Variants in NLGN3 observed in about 807,000 individuals in gnomAD.
NLGN3 encodes neuroligin-3.
A neutral mutation model predicts 42.9 loss-of-function variants in NLGN3; 11 were observed. That is an observed-to-expected ratio of 0.26 (90% confidence interval 0.16 to 0.42). NLGN3 has a LOEUF of 0.42. Ranked by LOEUF, NLGN3 falls within the 10% of genes least tolerant of loss-of-function variation. The probability of loss-of-function intolerance (pLI) is 1.00; values close to 1 mark genes in which losing one functional copy is unlikely to be tolerated. For synonymous variants in NLGN3, 279 were observed against 312.7 expected, an observed-to-expected ratio of 0.89 and a Z score of 1.14; for missense variants, 374 against 733.8, an observed-to-expected ratio of 0.51 and a Z score of 5.67.
In NLGN3 at chrX:71,169,400, G is replaced by A; in HGVS notation, c.1850G>A (p.Arg617Gln). 3 of 1,206,174 alleles carry A rather than the reference G, an allele frequency of 2.5e-6. No individual in the cohort carries two copies. Among genetic ancestry groups the A allele is most frequent in the South Asian group, 1.8e-5 (1 of 56,174 alleles). Residue 617 changes from arginine to glutamine, a missense_variant, in exon 8 of 8, where the codon CGG becomes CAG. This residue lies in a region of NLGN3 where 142 missense variants were observed against 359.1 expected (regional missense o/e 0.40). Transcript: ENST00000358741. ...AAACCAAGGGTCCGAGATCATTACC[G>A]GGCCACTAAGGTGGCCTTTTGGAAA... The part of the protein sequence containing the change: ...GLKPRVRDHY[R>Q]ATKVAFWKHL...
rs377765331 is a variant in NLGN3, at chrX:71,167,375, C to T, written c.1278C>T (p.Gly426=). 8.3e-7 allele frequency: 1 copy of T among 1,209,740 alleles called. No individual in the cohort carries two copies. The highest frequency in any genetic ancestry group is 1.8e-5 in the African/African-American group (1 of 57,098). Reference sequence around the variant, plus strand: ...TGGACCCTGAGGATGGTGTCTCTGGCACTGACTTTGACTATTCCGTCTCCA... The same window carrying T: ...TGGACCCTGAGGATGGTGTCTCTGGTACTGACTTTGACTATTCCGTCTCCA... The part of the protein sequence containing the change: ...GVVDPEDGVS[G]TDFDYSVSNF... Residue 426 remains glycine (G), a synonymous_variant, in exon 7 of 8, where the codon GGC becomes GGT. Transcript: ENST00000358741.
downstream of NLGN3, among the ~76,000 whole-genome samples, chrX:71,172,206 C>T (rs1490250780): frequency 9.0e-6 from 1 of 111,173 alleles, no homozygotes; most frequent in Non-Finnish European, 1.9e-5. Context: ...ACTGGTTTTT[C>T]CCCCTCCTTT....
At chrX:71,165,705 AT>A (rs1198187592) in intron 6 of NLGN3, among the ~76,000 whole-genome samples, 3 of 108,723 alleles carry the variant, frequency 2.8e-5, no homozygotes, top group Admixed American at 2.0e-4. Flanking sequence ...TTGGGGATAA[AT>A]TTTTTTTTGT....
chrX:71,171,621 C>T (rs1281141260), downstream of NLGN3: 11 of 739,039 alleles, frequency 1.5e-5, no homozygotes, highest in Non-Finnish European at 1.4e-5. Flanking sequence ...TGACCTCTAA[C>T]GTGCTGAAAT....
chrX:71,146,153 T>TCTCACA (rs1185227027), intron 1 of NLGN3, among the ~76,000 whole-genome samples: 20 of 26,353 alleles, frequency 7.6e-4, no homozygotes, highest in African/African-American at 2.2e-3. Context: ...TCTCTCTCTC[T>TCTCACA]CACACACACA....
Position 71,147,605 on chromosome X carries a change from G to T in NLGN3, c.-145G>T, listed in dbSNP as rs1370649967. The stretch of plus-strand genomic sequence containing the variant: ...TGAAGCTGTGGTGCTTGGACGACCT[G>T]CTCTCTACATTGCTGGGCACCTGTA... On this transcript the variant is annotated 5_prime_UTR_variant, in exon 2 of 8. Coordinates refer to ENST00000358741, the MANE Select transcript of NLGN3 (RefSeq NM_181303.2). 3.8e-6 allele frequency: 2 copies of T among 522,793 alleles called. No individual in the cohort carries two copies. The highest frequency in any genetic ancestry group is 2.3e-5 in the African/African-American group (1 of 43,428). 43.1% of individuals were successfully genotyped at this position (522,793 alleles called of 1,213,427 possible).
intron 7 of NLGN3, among the ~76,000 whole-genome samples, chrX:71,168,876 A>AAAG (rs762494249): frequency 0.022 from 1,611 of 74,597 alleles, 77 homozygotes; most frequent in Admixed American, 0.1. Flanking sequence ...AAAGAGAAAG[A>AAAG]AAAGAAAGAG....
intron 5 of NLGN3, among the ~76,000 whole-genome samples, chrX:71,158,062 TTTAATTAA>T (rs576978048): frequency 3.7e-5 from 4 of 108,389 alleles, no homozygotes; most frequent in East Asian, 2.9e-4. Context: ...ACTTTCTTTT[TTTAATTAA>T]TTAATTAATT....
intron 7 of NLGN3, among the ~76,000 whole-genome samples, chrX:71,168,869 G>GGAAGAAAGAA (rs1569485722): frequency 7.0e-5 from 5 of 71,370 alleles, no homozygotes; most frequent in Non-Finnish European, 7.7e-5. Context: ...AAGAAAGAAA[G>GGAAGAAAGAA]AGAAAGAAAA....
At chrX:71,155,494 T>C (rs1417067015) in intron 5 of NLGN3, 131 bp downstream of exon 5, 1 of 868,311 alleles carries the variant, frequency 1.2e-6, no homozygotes, top group African/African-American at 2.0e-5. Flanking sequence ...AAAATGGTGT[T>C]ATCCTCTGGC....
At chrX:71,154,724 C>G (rs1602318872) in intron 4 of NLGN3, among the ~76,000 whole-genome samples, 1 of 111,847 alleles carries the variant, frequency 8.9e-6, no homozygotes, top group Non-Finnish European at 1.9e-5. Context: ...TCCCACACCT[C>G]TTGTCTCTGT....
intron 6 of NLGN3, among the ~76,000 whole-genome samples, chrX:71,166,175 T>C (rs1214999367): frequency 9.0e-6 from 1 of 110,774 alleles, no homozygotes; most frequent in Non-Finnish European, 1.9e-5. Context: ...GGAAAGTCTC[T>C]GCCAGGCGCG....
intron 3 of NLGN3, among the ~76,000 whole-genome samples, chrX:71,149,850 G>C (rs2092384383): frequency 9.0e-6 from 1 of 111,497 alleles, no homozygotes; most frequent in Non-Finnish European, 1.9e-5. Flanking sequence ...ATGGTGAGAT[G>C]TGGCTGGGCT....
At chrX:71,147,036 G>A (rs184362749) in intron 1 of NLGN3, among the ~76,000 whole-genome samples, 5 of 111,416 alleles carry the variant, frequency 4.5e-5, no homozygotes, top group Non-Finnish European at 7.6e-5. Context: ...CTGAGGGTGA[G>A]GGAGTCTCTC....
downstream of NLGN3, among the ~76,000 whole-genome samples, chrX:71,172,865 T>C (rs891669850): frequency 6.3e-5 from 7 of 111,732 alleles, no homozygotes; most frequent in African/African-American, 9.8e-5. Flanking sequence ...TAGGAAATGA[T>C]CACAAGCACC....
At chrX:71,174,421 G>C (rs1025455963), downstream of NLGN3, among the ~76,000 whole-genome samples, 1 of 111,884 alleles carries the variant, frequency 8.9e-6, no homozygotes, top group African/African-American at 3.2e-5. Flanking sequence ...GATGGGAAAA[G>C]GTAAACTCCA....
Position 71,164,187 on chromosome X carries a change from C to A in NLGN3, c.772C>A (p.Leu258Ile). The A allele has an allele frequency of 8.2e-7, 1 of 1,212,531 alleles. No homozygotes were observed. The highest frequency in any genetic ancestry group is 1.1e-6 in the Non-Finnish European group (1 of 895,573). ...TCAGGCTGCCAAGGGCAACTATGGGCTCCTTGACCAGATCCAGGCCCTCCG... is the reference window on the plus strand; with the variant it reads ...TCAGGCTGCCAAGGGCAACTATGGGATCCTTGACCAGATCCAGGCCCTCCG... ...GDQAAKGNYG[L>I]LDQIQALRWV... The change falls in exon 6 of 8, where the codon CTC (leucine) becomes ATC (isoleucine). Residue 258 changes from leucine (L) to isoleucine (I), a missense_variant. This residue lies in a region of NLGN3 where 28 missense variants were observed against 48.2 expected (regional missense o/e 0.58). Coordinates refer to ENST00000358741, the MANE Select transcript of NLGN3 (RefSeq NM_181303.2).
Position 71,167,740 on chromosome X carries a change from A to G in NLGN3, c.1643A>G (p.Lys548Arg). The change falls in exon 7 of 8, where the codon AAG becomes AGG. Residue 548 changes from lysine (K) to arginine (R), a missense_variant. Physicochemically the swap from Lys to Arg is conservative, Grantham distance 26. Coordinates refer to ENST00000358741, the MANE Select transcript of NLGN3 (RefSeq NM_181303.2). Reference protein sequence around the residue: ...PTDLFPCNFSKNDVMLSAVVM... With the variant: ...PTDLFPCNFSRNDVMLSAVVM... ...GACCTTTTCCCCTGCAACTTCTCCA[A>G]GAATGATGTTATGCTCAGTGCTGTC... The G allele has an allele frequency of 8.3e-7, 1 of 1,211,489 alleles. No individual in the cohort carries two copies. The highest frequency in any genetic ancestry group is 1.8e-5 in the South Asian group (1 of 56,972).
At chrX:71,168,257 G>A (rs187572208) in intron 7 of NLGN3, among the ~76,000 whole-genome samples, 2 of 111,164 alleles carry the variant, frequency 1.8e-5, no homozygotes, top group Admixed American at 9.5e-5. Context: ...TGGGAGGATC[G>A]CTTGAGCCCC....
Sources: gnomAD v4.1 joint callset for allele counts (sites outside exome capture counted in the v4.1 genomes callset) on GRCh38, gnomAD v4.1.1 for gene constraint, gnomAD v4.1.1 regional missense constraint, MANE v1.5 for transcripts, NCBI Gene and HGNC (gene_info 2026-07-23, HGNC 2026-07-21) for gene names.